The following KLHL24 variants were observed in gnomAD, a reference collection of about 807,000 sequenced individuals.
KLHL24 encodes kelch-like protein 24.
In KLHL24, 29 loss-of-function variants were observed where a neutral mutation model predicts 53.4. The ratio of observed to expected loss-of-function variants is 0.54; its 90% CI spans 0.40 to 0.74. The LOEUF is 0.74. KLHL24 is among the 30% of genes least tolerant of loss of function. KLHL24 has a pLI of 0.00. For missense variants in KLHL24, 504 were observed against 744.0 expected, an observed-to-expected ratio of 0.68 and a Z score of 3.75; for synonymous variants, 222 against 253.7, an observed-to-expected ratio of 0.88 and a Z score of 1.19.
chr3:183,671,638 G>C (rs1305400582), intron 6 of KLHL24, among the ~76,000 whole-genome samples: 1 of 152,126 alleles, frequency 6.6e-6, no homozygotes, highest in Non-Finnish European at 1.5e-5. Flanking sequence ...TCAGAAAAAA[G>C]GAAAGGAAAC....
At chr3:183,658,398 T>G (rs1357321870) in intron 3 of KLHL24, among the ~76,000 whole-genome samples, 1 of 152,144 alleles carries the variant, frequency 6.6e-6, no homozygotes, top group East Asian at 1.9e-4. Context: ...CATTTCAAAC[T>G]TGTTCTTTTG....
At chr3:183,661,428 A>T (rs1367225505) in intron 3 of KLHL24, among the ~76,000 whole-genome samples, 1 of 152,172 alleles carries the variant, frequency 6.6e-6, no homozygotes, top group Non-Finnish European at 1.5e-5. Context: ...GCCTGAGATA[A>T]GTATTTCTCC....
chr3:183,645,470 G>A (rs1411356181), intron 2 of KLHL24, among the ~76,000 whole-genome samples: 1 of 152,208 alleles, frequency 6.6e-6, no homozygotes, highest in Non-Finnish European at 1.5e-5. Flanking sequence ...GTATGCACAT[G>A]CATCCAGACA....
intron 5 of KLHL24, among the ~76,000 whole-genome samples, chr3:183,665,932 G>A (rs6783616): frequency 0.33 from 49,321 of 148,954 alleles, 9,005 homozygotes; most frequent in African/African-American, 0.48. Context: ...TGCCCAAGCT[G>A]GAGTACAGTG....
At position 183,679,224 on chromosome 3, in the gene KLHL24, C is replaced by T. The variant is rs762218625; in HGVS notation, c.1741C>T (p.Pro581Ser). The change falls in exon 8 of 8, where the codon CCA becomes TCA. Residue 581 changes from proline (P) to serine (S), a missense_variant. Coordinates refer to ENST00000242810, the MANE Select transcript of KLHL24 (RefSeq NM_017644.3). The stretch of plus-strand genomic sequence containing the variant: ...CACAGGGGTAGCTGCAATGCCCAGG[C>T]CAGTGTCCTATCATGGCTGTGTGAC... ...IITGVAAMPR[P>S]VSYHGCVTIH... 7 of 1,613,832 alleles carry T rather than the reference C, an allele frequency of 4.3e-6. No homozygotes were observed. The African/African-American group carries it at 6.7e-5, about 15-fold the overall frequency.
chr3:183,646,686 A>G (rs1484465276), intron 2 of KLHL24, among the ~76,000 whole-genome samples: 2 of 152,232 alleles, frequency 1.3e-5, no homozygotes, highest in African/African-American at 2.4e-5. Flanking sequence ...GCTAATTGAT[A>G]TGAAGAGAAT....
At chr3:183,657,280 AGTT>A (rs1719047115) in intron 3 of KLHL24, among the ~76,000 whole-genome samples, 1 of 152,196 alleles carries the variant, frequency 6.6e-6, no homozygotes, top group South Asian at 2.1e-4. Flanking sequence ...ATACATGGCA[AGTT>A]GTTCGTGTCT....
chr3:183,666,794 T>C (rs906704893), intron 5 of KLHL24, among the ~76,000 whole-genome samples: 3 of 152,196 alleles, frequency 2.0e-5, no homozygotes, highest in African/African-American at 4.8e-5. Context: ...AAAAATTTAT[T>C]ACATAACAGA....
chr3:183,673,425 T>C (rs1721634667), intron 7 of KLHL24, among the ~76,000 whole-genome samples: 2 of 152,032 alleles, frequency 1.3e-5, no homozygotes, highest in Admixed American at 1.3e-4. Context: ...ACAATCCTAC[T>C]CCAGTATTTA....
intron 3 of KLHL24, among the ~76,000 whole-genome samples, chr3:183,660,635 C>T (rs1274993924): frequency 2.0e-5 from 3 of 152,028 alleles, no homozygotes; most frequent in Admixed American, 6.6e-5. Flanking sequence ...TAGATAATTG[C>T]CAATTTTGAA....
chr3:183,659,487 G>A (rs184621203), intron 3 of KLHL24, among the ~76,000 whole-genome samples: 1 of 152,188 alleles, frequency 6.6e-6, no homozygotes, highest in Admixed American at 6.5e-5. Flanking sequence ...TTGCAAGATC[G>A]TGTCACTGTA....
At chr3:183,646,409 C>T (rs1190818370) in intron 2 of KLHL24, among the ~76,000 whole-genome samples, 1 of 151,418 alleles carries the variant, frequency 6.6e-6, no homozygotes, top group African/African-American at 2.4e-5. Context: ...TCTGACTCTC[C>T]ACCCTAGTGA....
chr3:183,679,568 A>T lies in KLHL24; in HGVS notation c.*282A>T. ...TGTAAGAAGTCTATGTGAATTAGGA[A>T]ATGTCTGTCTGCATACCTTTTAGGA... is the stretch of plus-strand genomic sequence containing the variant. On this transcript the variant is annotated 3_prime_UTR_variant, in exon 8 of 8. Transcript: ENST00000242810. 2.9e-6 allele frequency: 1 copy of T among 348,946 alleles called. No homozygotes were observed. The allele number at this position is 348,946 out of a possible 1,614,324, so 21.6% of individuals were successfully genotyped here.
At chr3:183,638,367 C>G (rs1048374917) in intron 1 of KLHL24, among the ~76,000 whole-genome samples, 2 of 152,106 alleles carry the variant, frequency 1.3e-5, no homozygotes, top group African/African-American at 4.8e-5. Flanking sequence ...TTCCTTTTCT[C>G]CCATTTCATT....
intron 1 of KLHL24, 53 bp downstream of exon 1, chr3:183,635,846 G>A (rs1392372182): frequency 2.0e-5 from 3 of 152,558 alleles, no homozygotes; most frequent in African/African-American, 7.2e-5. Context: ...CTGACCACCG[G>A]GGTGTCTGCG....
intron 7 of KLHL24, among the ~76,000 whole-genome samples, chr3:183,673,901 CCT>C (rs1576980094): frequency 2.0e-5 from 3 of 152,266 alleles, no homozygotes. Flanking sequence ...GCCATCAAAG[CCT>C]CTCTCCTGTG....
At chr3:183,651,945 CAAAA>C (rs58223453) in intron 3 of KLHL24, among the ~76,000 whole-genome samples, 2 of 142,662 alleles carry the variant, frequency 1.4e-5, no homozygotes, top group Non-Finnish European at 3.1e-5. Flanking sequence ...GACTCTGTCT[CAAAA>C]AAAAAAGAAA....
At chr3:183,654,263 A>G (rs1284495278) in intron 3 of KLHL24, among the ~76,000 whole-genome samples, 1 of 152,094 alleles carries the variant, frequency 6.6e-6, no homozygotes, top group Non-Finnish European at 1.5e-5. Flanking sequence ...CTCTTTTTCA[A>G]TTTAATGGTT....
rs559623280 is a variant in KLHL24, at chr3:183,663,235, A to G, written c.921-223A>G. Among the ~76,000 whole-genome samples the G allele has an allele frequency of 1.8e-3, 268 of 152,278 alleles. 1 individual carries two copies. The highest frequency in any genetic ancestry group is 3.1e-3 in the Non-Finnish European group (214 of 68,024). Reference sequence around the variant, plus strand: ...CAGGTCAAAACCAATAGAAAAAAATAGCAACAGAAATTTTCTGTGGAATAA... The same window carrying G: ...CAGGTCAAAACCAATAGAAAAAAATGGCAACAGAAATTTTCTGTGGAATAA... On this transcript the variant is annotated intron_variant, in intron 3 of 7. Transcript: ENST00000242810. This position sits in a 1 kb window ranked among gnomAD's most constrained non-coding sequence, Gnocchi z 4.9.
Sources: allele counts gnomAD v4.1 joint callset (sites outside exome capture counted in the v4.1 genomes callset), GRCh38; gene constraint gnomAD v4.1.1; non-coding constraint Gnocchi (gnomAD v3.1); transcripts MANE v1.5; gene names NCBI Gene and HGNC (gene_info 2026-07-23, HGNC 2026-07-21).